SPTBN1: variants seen among roughly 807,000 people sequenced by gnomAD.
SPTBN1 encodes spectrin beta, non-erythrocytic 1.
In SPTBN1, 32 loss-of-function variants were observed where a neutral mutation model predicts 266.4. The observed-to-expected ratio is 0.12, with a 90% CI of 0.09 to 0.16. The LOEUF (loss-of-function observed/expected upper bound fraction) is 0.16, where lower values mean the gene tolerates loss of function less well. Among genes scored for constraint, SPTBN1 ranks in the 10% least tolerant of loss-of-function variants. The pLI is 1.00. For synonymous variants in SPTBN1, 1,336 were observed against 1,162.2 expected, an observed-to-expected ratio of 1.15 and a Z score of -3.04; for missense variants, 2,296 against 3,067.1, an observed-to-expected ratio of 0.75 and a Z score of 5.94.
At chr2:54,656,107 G>A (rs1680636132) in intron 29 of SPTBN1, 109 bp downstream of exon 29, 1 of 938,788 alleles carries the variant, frequency 1.1e-6, no homozygotes, top group Non-Finnish European at 1.6e-6. Context: ...TGTTCGAGTT[G>A]TAGATGCCTT....
intron 3 of SPTBN1, among the ~76,000 whole-genome samples, chr2:54,604,358 C>CTT (rs1455298466): frequency 6.6e-6 from 1 of 151,026 alleles, no homozygotes; most frequent in Non-Finnish European, 1.5e-5. Context: ...CTTTTTTTTT[C>CTT]TTTCTTTCTT....
chr2:54,517,886 C>T (rs928813475), intron 1 of SPTBN1, among the ~76,000 whole-genome samples: 7 of 151,678 alleles, frequency 4.6e-5, no homozygotes, highest in Non-Finnish European at 5.9e-5. Flanking sequence ...CCTCATGATC[C>T]GCCCGCCTCA....
rs981379637 is a variant in SPTBN1 at position 54,533,872 on chromosome 2, A to G, written c.148+7306A>G. Among the ~76,000 whole-genome samples, 1 of 150,740 alleles carries G rather than the reference A, an allele frequency of 6.6e-6. No individual in the cohort carries two copies. Among genetic ancestry groups the G allele is most frequent in the African/African-American group, 2.4e-5 (1 of 40,830 alleles). On this transcript the variant is annotated intron_variant, in intron 2 of 35. Transcript: ENST00000356805. This position sits in a 1 kb window ranked among gnomAD's most constrained non-coding sequence, Gnocchi z 4.2. The stretch of plus-strand genomic sequence containing the variant: ...GGCCTGCTGTAGTAATTTAGGGGGA[A>G]AGATTGATCTCTCTCTCTGTCTCTC...
At position 54,655,154 on chromosome 2, in the gene SPTBN1, C is replaced by A. The variant is rs17344343; in HGVS notation, c.5907C>A (p.Thr1969=). 0.042 allele frequency: 68,376 copies of A among 1,613,822 alleles called. 1,826 individuals carry two copies. Among genetic ancestry groups the A allele is most frequent in the Admixed American group, 0.11 (6,725 of 59,904 alleles). ...EIDARNDSFT[T]CIELGKSLLA... is the part of the protein sequence containing the mutation. The stretch of plus-strand genomic sequence containing the variant: ...ATGCACGTAATGACAGTTTCACAAC[C>A]TGCATTGAACTTGGGAAATCCCTGT... Residue 1969 remains threonine (T), a synonymous_variant, in exon 28 of 36, where the codon ACC becomes ACA. Transcript: ENST00000356805.
In SPTBN1 at chr2:54,628,407, C is replaced by T. The variant is rs1423302352; in HGVS notation, c.1798+157C>T. Among the ~76,000 whole-genome samples, 1 of 152,208 alleles carries T rather than the reference C, an allele frequency of 6.6e-6. No homozygotes were observed. Among genetic ancestry groups the T allele is most frequent in the African/African-American group, 2.4e-5 (1 of 41,456 alleles). ...GGTGGAGTGGCCTTCTGAACACTAA[C>T]TCCATCTTGTTTTTCTGGAATTGAT... is the stretch of plus-strand genomic sequence containing the variant. On this transcript the variant is annotated intron_variant, in intron 13 of 35. Transcript: ENST00000356805. The surrounding 1 kb of genome is among the most constrained non-coding windows in gnomAD (Gnocchi z 4.3).
intron 1 of SPTBN1, among the ~76,000 whole-genome samples, chr2:54,501,979 G>A (rs890841616): frequency 1.3e-5 from 2 of 152,212 alleles, no homozygotes; most frequent in Non-Finnish European, 2.9e-5. Context: ...GAATATTTGC[G>A]CTAAAGCAAG....
At chr2:54,594,125 G>C (rs1675883423) in intron 2 of SPTBN1, among the ~76,000 whole-genome samples, 1 of 152,080 alleles carries the variant, frequency 6.6e-6, no homozygotes, top group African/African-American at 2.4e-5. Flanking sequence ...CACTGTGTCT[G>C]GCAGAAACAC....
Position 54,659,923 on chromosome 2 carries a change from T to G in SPTBN1, c.6357-13T>G. The G allele has an allele frequency of 6.2e-7, 1 of 1,612,688 alleles. No homozygotes were observed. The highest frequency in any genetic ancestry group is 8.5e-7 in the Non-Finnish European group (1 of 1,178,966). On this transcript the variant is annotated splice_polypyrimidine_tract_variant and intron_variant, in intron 31 of 35. Transcript: ENST00000356805. ...TTCCTTTCCCTTCCTCCTTTTCCCC[T>G]CTTCCCTAACAGGGATACTTCAAAA...
intron 2 of SPTBN1, among the ~76,000 whole-genome samples, chr2:54,539,763 A>G (rs563946649): frequency 1.3e-5 from 2 of 152,270 alleles, no homozygotes; most frequent in Non-Finnish European, 2.9e-5. Flanking sequence ...GCTGGTCTTG[A>G]ACTCCTGGGC....
In SPTBN1 at chr2:54,661,638, T is replaced by C. The variant is rs145065617; in HGVS notation, c.6420+1639T>C. On this transcript the variant is annotated intron_variant, in intron 32 of 35. Coordinates refer to ENST00000356805, the MANE Select transcript of SPTBN1 (RefSeq NM_003128.3). ...AATTCATTTTAGACAAAAAAACTTC[T>C]GCTTTGTCTTTGGTCATTAGGGAGC... The C allele has an allele frequency of 2.9e-5, 29 of 985,868 alleles. No homozygotes were observed. The African/African-American group carries it at 4.7e-4, about 16-fold the overall frequency. The allele number at this position is 985,868 out of a possible 1,614,324, so 61.1% of individuals were successfully genotyped here. A position where few individuals can be genotyped will look rare whatever the true frequency, so the allele number is the denominator to read the frequency against.
At chr2:54,489,622 C>T (rs1437120174) in intron 1 of SPTBN1, among the ~76,000 whole-genome samples, 1 of 152,144 alleles carries the variant, frequency 6.6e-6, no homozygotes, top group Non-Finnish European at 1.5e-5. Flanking sequence ...TCACTTGAAC[C>T]TGGGAGGTGG....
At chr2:54,502,879 T>C (rs1669346630) in intron 1 of SPTBN1, among the ~76,000 whole-genome samples, 5 of 152,266 alleles carry the variant, frequency 3.3e-5, no homozygotes, top group Admixed American at 2.0e-4. Context: ...TTTGCCCTCA[T>C]TGTGTCAGGA....
chr2:54,514,771 A>G (rs1009414676), intron 1 of SPTBN1, among the ~76,000 whole-genome samples: 2 of 152,224 alleles, frequency 1.3e-5, no homozygotes, highest in African/African-American at 4.8e-5. Context: ...TAACTGAGAC[A>G]GTGGAAGAGA....
chr2:54,600,637 T>G (rs958368518), intron 3 of SPTBN1, among the ~76,000 whole-genome samples: 1 of 152,180 alleles, frequency 6.6e-6, no homozygotes, highest in African/African-American at 2.4e-5. Flanking sequence ...AGTATAATTT[T>G]TATAACCAGA....
chr2:54,468,219 A>C (rs999405560), intron 1 of SPTBN1, among the ~76,000 whole-genome samples: 5 of 152,200 alleles, frequency 3.3e-5, no homozygotes, highest in Non-Finnish European at 7.4e-5. Context: ...AGGCAGGAGA[A>C]TCACTTGAAC....
chr2:54,627,333 C>T (rs1346541094), intron 12 of SPTBN1, among the ~76,000 whole-genome samples: 1 of 152,162 alleles, frequency 6.6e-6, no homozygotes, highest in Admixed American at 6.5e-5. Context: ...CCAGAGACTT[C>T]CTCAGAAGTA....
Position 54,644,558 on chromosome 2 carries a change from G to A in SPTBN1, c.4241G>A (p.Ser1414Asn). ...GATGACTATGGCAAAGACCTGACCAGTGTCAATATCCTGCTGAAAAAGCAA... is the reference window on the plus strand; with the variant it reads ...GATGACTATGGCAAAGACCTGACCAATGTCAATATCCTGCTGAAAAAGCAA... ...QSDDYGKDLT[S>N]VNILLKKQQM... is the part of the protein sequence containing the mutation. The change falls in exon 20 of 36, where the codon AGT (serine) becomes AAT (asparagine). Residue 1414 changes from serine to asparagine, a missense_variant. Ser to Asn is a conservative substitution (Grantham distance 46, BLOSUM62 1). Around this residue, in one of 12 missense-constraint regions of SPTBN1, gnomAD observed 386 missense variants for 486.1 expected, o/e 0.79. Coordinates refer to ENST00000356805, the MANE Select transcript of SPTBN1 (RefSeq NM_003128.3). 1 of 1,609,714 alleles carries A rather than the reference G, an allele frequency of 6.2e-7. No individual in the cohort carries two copies. The highest frequency in any genetic ancestry group is 1.1e-5 in the South Asian group (1 of 90,888).
chr2:54,506,068 G>A (rs1216528749), intron 1 of SPTBN1, among the ~76,000 whole-genome samples: 1 of 152,050 alleles, frequency 6.6e-6, no homozygotes, highest in African/African-American at 2.4e-5. Flanking sequence ...AGCTTGCAGT[G>A]AGCCAAGATC....
chr2:54,546,976 CACATA>C (rs941747055), intron 2 of SPTBN1, among the ~76,000 whole-genome samples: 18 of 145,994 alleles, frequency 1.2e-4, no homozygotes, highest in East Asian at 2.0e-4. Context: ...AAAAAAAAAC[CACATA>C]ACATAAGGTT....
Sources: allele counts gnomAD v4.1 joint callset (sites outside exome capture counted in the v4.1 genomes callset), GRCh38; gene constraint gnomAD v4.1.1; regional missense constraint gnomAD v4.1.1; non-coding constraint Gnocchi (gnomAD v3.1); transcripts MANE v1.5; gene names NCBI Gene and HGNC (gene_info 2026-07-23, HGNC 2026-07-21).